Variants in TTC39B observed in about 807,000 individuals in gnomAD.
TTC39B encodes the protein tetratricopeptide repeat protein 39B.
A neutral mutation model predicts 96.6 loss-of-function variants in TTC39B; 92 were observed. The observed-to-expected ratio is 0.95, with a 90% CI of 0.80 to 1.13. The LOEUF (loss-of-function observed/expected upper bound fraction) is 1.13. TTC39B is among the 50% of genes most tolerant of loss of function. The pLI is 0.00. For synonymous variants in TTC39B, 367 were observed against 299.4 expected (o/e 1.23, Z -2.33); for missense variants, 955 against 809.3 (o/e 1.18, Z -2.18).
chr9:15,219,074 T>G (rs964051571), intron 3 of TTC39B, among the ~76,000 whole-genome samples: 1 of 152,204 alleles, frequency 6.6e-6, no homozygotes, highest in Non-Finnish European at 1.5e-5. Flanking sequence ...ATAAAAATTT[T>G]GAAACATAAA....
chr9:15,185,284 G>T (rs1223384685), exon 16 of TTC39B: 1 of 1,611,358 alleles, frequency 6.2e-7, no homozygotes, highest in Non-Finnish European at 8.5e-7. Context: ...AGATACCAGG[G>T]CAGGTAAGAT....
chr9:15,274,231 C>T (rs1471928304), intron 1 of TTC39B, among the ~76,000 whole-genome samples: 1 of 152,134 alleles, frequency 6.6e-6, no homozygotes, highest in Non-Finnish European at 1.5e-5. Context: ...TATATACGTA[C>T]CCTGAGCTCA....
chr9:15,231,993 C>T (rs1821448046), intron 2 of TTC39B, among the ~76,000 whole-genome samples: 1 of 152,122 alleles, frequency 6.6e-6, no homozygotes, highest in South Asian at 2.1e-4. Flanking sequence ...CGAGTCACCC[C>T]CACCAGGGCT....
At chr9:15,196,902 C>T (rs1244269078) in intron 8 of TTC39B, among the ~76,000 whole-genome samples, 2 of 152,162 alleles carry the variant, frequency 1.3e-5, no homozygotes, top group African/African-American at 4.8e-5. Flanking sequence ...AAAAAATTGC[C>T]ATAGCCACCC....
At chr9:15,249,014 C>T (rs1008793775) in intron 2 of TTC39B, 1 of 152,068 alleles carries the variant, frequency 6.6e-6, no homozygotes, top group Non-Finnish European at 1.5e-5. Flanking sequence ...GATAAAGGAA[C>T]AAAATCAGTA....
chr9:15,270,848 C>A (rs949716479), intron 1 of TTC39B, among the ~76,000 whole-genome samples: 1 of 151,804 alleles, frequency 6.6e-6, no homozygotes, highest in African/African-American at 2.4e-5. Context: ...CATATGTGGT[C>A]TATAAAGGCC....
intron 3 of TTC39B, among the ~76,000 whole-genome samples, chr9:15,215,304 T>C (rs555008932): frequency 1.4e-4 from 22 of 151,822 alleles, no homozygotes; most frequent in African/African-American, 4.1e-4. Context: ...GTGCCTGTAA[T>C]CTCAGCACTT....
chr9:15,295,125 C>CA (rs1824326827), intron 1 of TTC39B, among the ~76,000 whole-genome samples: 1 of 152,176 alleles, frequency 6.6e-6, no homozygotes, highest in Admixed American at 6.5e-5. Flanking sequence ...CAATACATTA[C>CA]AAACAAACTT....
At position 15,218,632 on chromosome 9, in the gene TTC39B, T is replaced by TAAAAAAAAAAATA. The variant is rs545882970; in HGVS notation, c.372-4384_372-4383insTATTTTTTTTTTT. Among the ~76,000 whole-genome samples, 298 of 105,144 alleles carry TAAAAAAAAAAATA rather than the reference T, an allele frequency of 2.8e-3. 2 individuals are homozygous for TAAAAAAAAAAATA. The highest frequency in any genetic ancestry group is 9.6e-3 in the African/African-American group (271 of 28,128). 69.0% of individuals were successfully genotyped at this position (105,144 alleles called of 152,430 possible). ...GGCAGGATGAATTTTTTAGTCTATT[T>TAAAAAAAAAAATA]TAAATATATATATATAATGAACACA... On this transcript the variant is annotated intron_variant, in intron 3 of 19. Transcript: ENST00000512701.
At chr9:15,269,883 A>C (rs1222393877) in intron 1 of TTC39B, among the ~76,000 whole-genome samples, 1 of 151,102 alleles carries the variant, frequency 6.6e-6, no homozygotes, top group Non-Finnish European at 1.5e-5. Flanking sequence ...AAAAAAGAAG[A>C]ACCGACTGGA....
At chr9:15,180,240 TGA>T (rs1818177100) in intron 17 of TTC39B, among the ~76,000 whole-genome samples, 1 of 152,196 alleles carries the variant, frequency 6.6e-6, no homozygotes, top group Non-Finnish European at 1.5e-5. Context: ...GAGAAAAATC[TGA>T]AAATAGATTT....
intron 13 of TTC39B, among the ~76,000 whole-genome samples, chr9:15,188,766 A>G (rs766140904): frequency 7.2e-5 from 11 of 152,200 alleles, no homozygotes; most frequent in Non-Finnish European, 1.5e-4. Flanking sequence ...TTACACTGGA[A>G]CAATCTTAAG....
intron 2 of TTC39B, among the ~76,000 whole-genome samples, chr9:15,264,846 C>A (rs1823072228): frequency 6.6e-6 from 1 of 151,584 alleles, no homozygotes; most frequent in Non-Finnish European, 1.5e-5. Context: ...AGTCACGAAT[C>A]AAAAGCATCT....
chr9:15,180,964 G>T (rs910038400), intron 17 of TTC39B, among the ~76,000 whole-genome samples: 4 of 152,082 alleles, frequency 2.6e-5, no homozygotes, highest in Admixed American at 6.5e-5. Flanking sequence ...AGTATCCCCC[G>T]CCCTGCTTAA....
chr9:15,192,913 C>A (rs759070412), intron 8 of TTC39B, among the ~76,000 whole-genome samples: 2 of 152,108 alleles, frequency 1.3e-5, no homozygotes, highest in Non-Finnish European at 2.9e-5. Flanking sequence ...TCTAGCAGGA[C>A]CAGTGTTTCT....
intron 2 of TTC39B, among the ~76,000 whole-genome samples, chr9:15,233,712 C>A (rs969124660): frequency 1.3e-5 from 2 of 152,194 alleles, no homozygotes; most frequent in Non-Finnish European, 2.9e-5. Context: ...GCTACAACAT[C>A]CACCTCCCAG....
intron 2 of TTC39B, among the ~76,000 whole-genome samples, chr9:15,237,240 G>C (rs148558837): frequency 6.6e-6 from 1 of 152,126 alleles, no homozygotes; most frequent in Non-Finnish European, 1.5e-5. Flanking sequence ...ACTTGAACCC[G>C]GGAGGCGGAG....
At chr9:15,209,262 T>G (rs1371792949) in intron 6 of TTC39B, among the ~76,000 whole-genome samples, 1 of 152,200 alleles carries the variant, frequency 6.6e-6, no homozygotes, top group Non-Finnish European at 1.5e-5. Flanking sequence ...TCATGAACCT[T>G]CTGCCCTAGT....
intron 2 of TTC39B, among the ~76,000 whole-genome samples, chr9:15,253,102 T>C (rs1258958080): frequency 1.3e-5 from 2 of 152,192 alleles, no homozygotes; most frequent in Admixed American, 1.3e-4. Flanking sequence ...CCCCACATGC[T>C]ATTTGATAGG....
Sources: gnomAD v4.1 joint callset for allele counts (sites outside exome capture counted in the v4.1 genomes callset) on GRCh38, gnomAD v4.1.1 for gene constraint, MANE v1.5 for transcripts, NCBI Gene and HGNC (gene_info 2026-07-23, HGNC 2026-07-21) for gene names.